Variants in SAMSN1 observed in about 807,000 individuals in gnomAD.
SAMSN1 encodes the protein SAM domain-containing protein SAMSN-1.
SAMSN1 carries 31 observed loss-of-function variants against 42.0 expected under a neutral mutation model. The observed-to-expected ratio is 0.74, with a 90% CI of 0.55 to 1.00. The LOEUF (loss-of-function observed/expected upper bound fraction) is 1.00, where lower values mean the gene tolerates loss of function less well. Ranked by LOEUF, SAMSN1 falls within the 50% of genes least tolerant of loss-of-function variation. The pLI is 0.00. For synonymous variants in SAMSN1, 178 were observed against 151.9 expected (o/e 1.17, Z -1.26); for missense variants, 464 against 439.4 (o/e 1.06, Z -0.50).
chr21:14,606,365 A>G (rs1982572187), intron 5 of SAMSN1, among the ~76,000 whole-genome samples: 1 of 152,008 alleles, frequency 6.6e-6, no homozygotes, highest in Non-Finnish European at 1.5e-5. Context: ...TTATTTTTTA[A>G]ATGTTGATTT....
At chr21:14,543,665 G>A (rs564987806) in intron 1 of SAMSN1, among the ~76,000 whole-genome samples, 11 of 152,110 alleles carry the variant, frequency 7.2e-5, no homozygotes, top group Middle Eastern at 6.8e-3. Flanking sequence ...TGTCCAATAG[G>A]TCACTTGAAA....
chr21:14,556,281 A>G (rs989435635), intron 2 of SAMSN1, among the ~76,000 whole-genome samples: 13 of 152,194 alleles, frequency 8.5e-5, no homozygotes, highest in African/African-American at 2.9e-4. Context: ...AAAACAATCA[A>G]AAGCCTCATA....
chr21:14,530,310 C>A (rs1979173300), intron 1 of SAMSN1, among the ~76,000 whole-genome samples: 1 of 125,592 alleles, frequency 8.0e-6, no homozygotes, highest in Admixed American at 9.1e-5. Flanking sequence ...GAGCGAGACT[C>A]CGTCTCAAAA....
chr21:14,486,672 A>G (rs140022999), intron 7 of SAMSN1, among the ~76,000 whole-genome samples: 1 of 152,288 alleles, frequency 6.6e-6, no homozygotes, highest in African/African-American at 2.4e-5. Flanking sequence ...GAATTTTCCT[A>G]TGTTTGCATG....
At chr21:14,618,700 G>A (rs568106082) in intron 2 of SAMSN1, among the ~76,000 whole-genome samples, 35 of 145,278 alleles carry the variant, frequency 2.4e-4, no homozygotes, top group South Asian at 8.6e-4. Flanking sequence ...GTGCGCGCGC[G>A]CGCACGCGCG....
rs138136116 is a variant in SAMSN1, at chr21:14,505,426, C to G, written c.562-4691G>C. On this transcript the variant is annotated intron_variant, in intron 5 of 7. Coordinates refer to ENST00000400566, the MANE Select transcript of SAMSN1 (RefSeq NM_022136.5). ...AAAGATATTTCATTCAAATGGACAC[C>G]AAAAGTGAGCAGGAATAGTTACTGT... Among the ~76,000 whole-genome samples the G allele has an allele frequency of 3.8e-4, 58 of 152,084 alleles. 1 individual carries two copies. In the East Asian group the frequency reaches 6.4e-3, roughly 17 times the overall value.
At chr21:14,589,403 T>C (rs1001016349) in intron 7 of SAMSN1, among the ~76,000 whole-genome samples, 15 of 152,112 alleles carry the variant, frequency 9.9e-5, no homozygotes, top group Admixed American at 5.9e-4. Flanking sequence ...TTATCTAGTA[T>C]TGACAGCCAA....
At chr21:14,587,861 G>GCACCCATTAACTCGACATTTAA (rs1311655786), upstream of SAMSN1, among the ~76,000 whole-genome samples, 2 of 150,620 alleles carry the variant, frequency 1.3e-5, no homozygotes, top group Admixed American at 6.6e-5. Context: ...CTGGTGCGCT[G>GCACCCATTAACTCGACATTTAA]CATTAGGTAT....
chr21:14,613,067 G>C (rs1316716866), intron 3 of SAMSN1, among the ~76,000 whole-genome samples: 1 of 152,030 alleles, frequency 6.6e-6, no homozygotes, highest in Non-Finnish European at 1.5e-5. Context: ...CCTAACCCTA[G>C]GTGGCAAATT....
intron 2 of SAMSN1, among the ~76,000 whole-genome samples, chr21:14,635,484 T>G (rs1303095792): frequency 6.6e-6 from 1 of 152,202 alleles, no homozygotes; most frequent in Non-Finnish European, 1.5e-5. Flanking sequence ...CCACTATACC[T>G]AGGTGTCTGA....
chr21:14,548,390 T>C (rs553498467), upstream of SAMSN1, among the ~76,000 whole-genome samples: 46 of 152,258 alleles, frequency 3.0e-4, no homozygotes, highest in Middle Eastern at 0.014. Flanking sequence ...GTTACATTTC[T>C]CCAATGTTTC....
At chr21:14,582,141 A>T (rs753349691) in exon 2 of SAMSN1, 2 of 1,543,500 alleles carry the variant, frequency 1.3e-6, no homozygotes, top group South Asian at 2.4e-5. Flanking sequence ...CTTACCCATG[A>T]ATGTAGGAGA....
intron 7 of SAMSN1, among the ~76,000 whole-genome samples, chr21:14,493,112 GGGCAGGCA>G (rs762533564): frequency 4.6e-5 from 7 of 152,084 alleles, no homozygotes; most frequent in African/African-American, 1.7e-4. Context: ...GCATCGACTT[GGGCAGGCA>G]GGCAGGCAGG....
At chr21:14,632,856 C>T (rs1236798879) in intron 2 of SAMSN1, among the ~76,000 whole-genome samples, 1 of 152,142 alleles carries the variant, frequency 6.6e-6, no homozygotes, top group Non-Finnish European at 1.5e-5. Flanking sequence ...GGAGGCCTTA[C>T]TTTATTGTTG....
intron 2 of SAMSN1, among the ~76,000 whole-genome samples, chr21:14,628,152 G>C (rs368242688): frequency 6.0e-4 from 92 of 152,260 alleles, no homozygotes; most frequent in African/African-American, 2.1e-3. Context: ...AATGGGATAG[G>C]AGATTAAAAT....
At chr21:14,619,008 A>G (rs1442845889) in intron 2 of SAMSN1, among the ~76,000 whole-genome samples, 1 of 152,202 alleles carries the variant, frequency 6.6e-6, no homozygotes, top group Non-Finnish European at 1.5e-5. Context: ...ACTAAGAAAC[A>G]TTTCCAAGCT....
At chr21:14,488,254 C>T (rs1485176419) in intron 7 of SAMSN1, among the ~76,000 whole-genome samples, 1 of 152,070 alleles carries the variant, frequency 6.6e-6, no homozygotes, top group Non-Finnish European at 1.5e-5. Flanking sequence ...GCCACATTTC[C>T]CCAGATTATG....
chr21:14,566,022 G>T (rs1200273749), intron 2 of SAMSN1, among the ~76,000 whole-genome samples: 4 of 152,080 alleles, frequency 2.6e-5, no homozygotes, highest in Non-Finnish European at 5.9e-5. Context: ...CTTGCTAATT[G>T]GTTCTGTTTT....
intron 7 of SAMSN1, among the ~76,000 whole-genome samples, chr21:14,496,819 A>G (rs572097204): frequency 1.3e-5 from 2 of 152,336 alleles, no homozygotes; most frequent in East Asian, 3.9e-4. Flanking sequence ...GCTGATGTCA[A>G]ATTAGTTATG....
Sources: allele counts gnomAD v4.1 joint callset (sites outside exome capture counted in the v4.1 genomes callset), GRCh38; gene constraint gnomAD v4.1.1; transcripts MANE v1.5; gene names NCBI Gene and HGNC (gene_info 2026-07-23, HGNC 2026-07-21).